The following PTPRD variants were observed in gnomAD, a reference collection of about 807,000 sequenced individuals.
PTPRD encodes the protein protein tyrosine phosphatase receptor type D.
PTPRD carries 34 observed loss-of-function variants against 214.5 expected under a neutral mutation model. That is an observed-to-expected ratio of 0.16 (90% confidence interval 0.12 to 0.21). The LOEUF (loss-of-function observed/expected upper bound fraction) is 0.21. Among genes scored for constraint, PTPRD ranks in the 10% least tolerant of loss-of-function variants. The probability of loss-of-function intolerance (pLI) is 1.00; values close to 1 mark genes in which losing one functional copy is unlikely to be tolerated. For synonymous variants in PTPRD, 1,128 were observed against 845.7 expected, an observed-to-expected ratio of 1.33 and a Z score of -5.79; for missense variants, 2,545 against 2,398.7, an observed-to-expected ratio of 1.06 and a Z score of -1.27.
intron 7 of PTPRD, among the ~76,000 whole-genome samples, chr9:9,616,553 A>G (rs983592178): frequency 6.6e-6 from 1 of 152,150 alleles, no homozygotes; most frequent in Non-Finnish European, 1.5e-5. Flanking sequence ...TTCCTAGTAG[A>G]CCTAGTTTTA....
At chr9:10,300,391 C>T (rs962839466) in intron 3 of PTPRD, among the ~76,000 whole-genome samples, 1 of 152,120 alleles carries the variant, frequency 6.6e-6, no homozygotes, top group African/African-American at 2.4e-5. Context: ...CCAGTGGCAC[C>T]TGGAATGCCA....
intron 14 of PTPRD, among the ~76,000 whole-genome samples, chr9:8,581,558 C>T (rs752659678): frequency 1.0e-4 from 15 of 150,014 alleles, no homozygotes; most frequent in Non-Finnish European, 1.9e-4. Context: ...ACCATTCTGG[C>T]TAACACAGTG....
intron 7 of PTPRD, among the ~76,000 whole-genome samples, chr9:9,596,356 A>G (rs1245905540): frequency 1.3e-5 from 2 of 152,010 alleles, no homozygotes; most frequent in East Asian, 3.9e-4. Context: ...ATACCTTTAC[A>G]TATTCGGTAA....
intron 10 of PTPRD, among the ~76,000 whole-genome samples, chr9:9,106,430 C>T (rs1487498339): frequency 1.3e-5 from 2 of 151,606 alleles, no homozygotes; most frequent in African/African-American, 4.8e-5. Flanking sequence ...ATGATCCTCA[C>T]TTTAAAATTA....
chr9:10,409,436 T>C (rs1289942345), intron 2 of PTPRD, among the ~76,000 whole-genome samples: 1 of 151,756 alleles, frequency 6.6e-6, no homozygotes, highest in African/African-American at 2.4e-5. Flanking sequence ...TGTTATCACA[T>C]CACTCAATTT....
intron 5 of PTPRD, among the ~76,000 whole-genome samples, chr9:9,860,278 C>G (rs1026575095): frequency 1.3e-5 from 2 of 152,168 alleles, no homozygotes; most frequent in Non-Finnish European, 2.9e-5. Context: ...ACAAATTCAG[C>G]TACAAAAATC....
intron 8 of PTPRD, among the ~76,000 whole-genome samples, chr9:9,452,980 A>G (rs370935849): frequency 2.0e-5 from 3 of 150,786 alleles, no homozygotes; most frequent in South Asian, 2.1e-4. Context: ...ATTTTTCTGT[A>G]TACTTAAATT....
chr9:8,548,914 C>T (rs965757358), intron 14 of PTPRD, among the ~76,000 whole-genome samples: 15 of 151,954 alleles, frequency 9.9e-5, no homozygotes, highest in Non-Finnish European at 1.5e-4. Context: ...TGGTCTTGGA[C>T]TCCTGACCTC....
At chr9:10,344,442 T>C (rs1056571124) in intron 2 of PTPRD, among the ~76,000 whole-genome samples, 9 of 152,188 alleles carry the variant, frequency 5.9e-5, no homozygotes, top group Admixed American at 5.9e-4. Context: ...TCTTGTAGTA[T>C]AGCTTGAAGT....
At chr9:9,391,654 C>T (rs2065881659) in intron 9 of PTPRD, among the ~76,000 whole-genome samples, 1 of 152,054 alleles carries the variant, frequency 6.6e-6, no homozygotes, top group South Asian at 2.1e-4. Flanking sequence ...TTAGAAATCT[C>T]TACTTGATAT....
chr9:10,157,040 G>A (rs1472605606), intron 3 of PTPRD, among the ~76,000 whole-genome samples: 1 of 152,102 alleles, frequency 6.6e-6, no homozygotes, highest in Non-Finnish European at 1.5e-5. Context: ...TTTGAGAAGG[G>A]TCTCTTGAAG....
At chr9:9,246,649 G>A (rs1428316659) in intron 9 of PTPRD, among the ~76,000 whole-genome samples, 1 of 151,924 alleles carries the variant, frequency 6.6e-6, no homozygotes, top group African/African-American at 2.4e-5. Context: ...GTATGTAACT[G>A]CTCACACCAT....
At chr9:8,347,640 C>A (rs891379797) in intron 39 of PTPRD, among the ~76,000 whole-genome samples, 4 of 152,064 alleles carry the variant, frequency 2.6e-5, no homozygotes, top group African/African-American at 9.7e-5. Context: ...AAACGCTAAC[C>A]CCCAGTGTGA....
intron 9 of PTPRD, among the ~76,000 whole-genome samples, chr9:9,301,439 T>A (rs1324665954): frequency 6.6e-6 from 1 of 151,876 alleles, no homozygotes; most frequent in Admixed American, 6.6e-5. Context: ...AGAACTAGAC[T>A]GAGTACTTAC....
intron 9 of PTPRD, among the ~76,000 whole-genome samples, chr9:9,284,454 T>C (rs960251155): frequency 1.3e-5 from 2 of 151,652 alleles, no homozygotes; most frequent in Non-Finnish European, 2.9e-5. Flanking sequence ...CCAGAACTGA[T>C]CAGCTTACGA....
At chr9:9,841,595 G>A (rs2058347802) in intron 5 of PTPRD, among the ~76,000 whole-genome samples, 1 of 152,076 alleles carries the variant, frequency 6.6e-6, no homozygotes, top group South Asian at 2.1e-4. Context: ...CCCTTAGAAA[G>A]CATTTGTTTC....
intron 2 of PTPRD, among the ~76,000 whole-genome samples, chr9:10,405,256 C>T (rs971474816): frequency 1.3e-5 from 2 of 151,634 alleles, no homozygotes; most frequent in Non-Finnish European, 2.9e-5. Flanking sequence ...CTAAAGCCTT[C>T]GAAAGCTACC....
chr9:8,568,504 G>T (rs1044513506), intron 14 of PTPRD, among the ~76,000 whole-genome samples: 2 of 152,118 alleles, frequency 1.3e-5, no homozygotes, highest in African/African-American at 4.8e-5. Flanking sequence ...TGGATTTTGA[G>T]CCAAGAAGTT....
intron 11 of PTPRD, among the ~76,000 whole-genome samples, chr9:9,011,178 G>T (rs978018390): frequency 6.6e-6 from 1 of 152,086 alleles, no homozygotes; most frequent in African/African-American, 2.4e-5. Context: ...AGATACAAAA[G>T]TGGGGGGAGT....
Sources: allele counts gnomAD v4.1 joint callset (sites outside exome capture counted in the v4.1 genomes callset), GRCh38; gene constraint gnomAD v4.1.1; transcripts MANE v1.5; gene names NCBI Gene and HGNC (gene_info 2026-07-23, HGNC 2026-07-21).